Variants in PFN1 observed in about 807,000 individuals in gnomAD.
PFN1 encodes the protein profilin-1.
In PFN1, 2 loss-of-function variants were observed where a neutral mutation model predicts 11.7. The observed-to-expected ratio is 0.17, with a 90% CI of 0.07 to 0.54. The LOEUF is 0.54. PFN1 is among the 20% of genes least tolerant of loss of function. PFN1 has a pLI of 0.94. For synonymous variants in PFN1, 78 were observed against 76.2 expected, an observed-to-expected ratio of 1.02 and a Z score of -0.12; for missense variants, 97 against 188.4, an observed-to-expected ratio of 0.51 and a Z score of 2.84.
At chr17:4,946,524 C>A in intron 2 of PFN1, 104 bp downstream of exon 2, 4 of 838,752 alleles carry the variant, frequency 4.8e-6, no homozygotes, top group Non-Finnish European at 7.6e-6. Flanking sequence ...TGGTCTGACT[C>A]CCTTCATGTT....
chr17:4,948,030 C>T, intron 1 of PFN1: 2 of 457,130 alleles, frequency 4.4e-6, no homozygotes, highest in Non-Finnish European at 7.6e-6. Flanking sequence ...GGATGTAACG[C>T]CCCGTCGCGG....
chr17:4,946,576 C>T (rs552022721), intron 2 of PFN1, 52 bp downstream of exon 2: 14 of 1,426,270 alleles, frequency 9.8e-6, no homozygotes, highest in Middle Eastern at 3.7e-4. Context: ...TACCAGAAGG[C>T]GGTACATTAG....
chr17:4,948,233 G>A (rs1249448227), intron 1 of PFN1, 30 bp downstream of exon 1: 5 of 1,575,812 alleles, frequency 3.2e-6, no homozygotes, highest in Non-Finnish European at 4.3e-6. Flanking sequence ...AACCGGAGCA[G>A]TGCCCCGGAC....
At chr17:4,946,133 ACAGG>A (rs2151134223) in intron 2 of PFN1, 136 bp from the exon 3 acceptor site, 1 of 595,864 alleles carries the variant, frequency 1.7e-6, no homozygotes, top group East Asian at 3.0e-5. Flanking sequence ...CCCACCACAC[ACAGG>A]CAGGCTGTCA....
At chr17:4,946,581 C>A in intron 2 of PFN1, 47 bp downstream of exon 2, 1 of 1,475,386 alleles carries the variant, frequency 6.8e-7, no homozygotes, top group Non-Finnish European at 9.2e-7. Flanking sequence ...GAAGGCGGTA[C>A]ATTAGAGATC....
At chr17:4,947,530 C>G (rs928639768) in intron 1 of PFN1, 1 of 151,836 alleles carries the variant, frequency 6.6e-6, no homozygotes, top group African/African-American at 2.4e-5. Context: ...TCCGCTCCCC[C>G]TCCCCACTTC....
chr17:4,948,439 G>A lies in PFN1; in HGVS notation c.-45C>T, dbSNP rs891805121. The A allele has an allele frequency of 2.6e-6, 4 of 1,554,932 alleles. No individual in the cohort carries two copies. In the Admixed American group the frequency reaches 7.3e-5, roughly 29 times the overall value. On this transcript the variant is annotated 5_prime_UTR_variant, in exon 1 of 3. Coordinates refer to ENST00000225655, the MANE Select transcript of PFN1 (RefSeq NM_005022.4). ...CTCTCGGCGCTGCTGCTGGGGCCGC[G>A]GACTGGGCTCGAGCTGCCTCGGCTG...
intron 2 of PFN1, among the ~76,000 whole-genome samples, chr17:4,946,213 A>G (rs1971388332): frequency 6.6e-6 from 1 of 151,708 alleles, no homozygotes; most frequent in Non-Finnish European, 1.5e-5. Flanking sequence ...AGAGGAACAG[A>G]CTAAAAACTT....
In PFN1 at chr17:4,948,095, G is replaced by A. The variant is rs984636023; in HGVS notation, c.132+168C>T. ...GCCGCCTGGGGCATAGGACCTACGGGCAACTGAGGGACCCACTCACGTGCA... is the reference window on the plus strand; with the variant it reads ...GCCGCCTGGGGCATAGGACCTACGGACAACTGAGGGACCCACTCACGTGCA... On this transcript the variant is annotated intron_variant, in intron 1 of 2. Transcript: ENST00000225655. 1.0e-5 allele frequency: 7 copies of A among 703,098 alleles called. No homozygotes were observed. The African/African-American group carries it at 1.1e-4, about 11-fold the overall frequency. 43.6% of individuals were successfully genotyped at this position (703,098 alleles called of 1,614,324 possible).
chr17:4,946,868 T>G (rs748864924), intron 1 of PFN1, 48 bp from the exon 2 acceptor site: 1 of 1,535,266 alleles, frequency 6.5e-7, no homozygotes, highest in East Asian at 2.3e-5. Flanking sequence ...GCACCAAGAT[T>G]CCCACCGTGT....
At chr17:4,947,048 G>A (rs981301589) in intron 1 of PFN1, 6 of 446,018 alleles carry the variant, frequency 1.3e-5, no homozygotes, top group Non-Finnish European at 2.0e-5. Flanking sequence ...GAACCAGGGA[G>A]GAAGGGATGA....
chr17:4,946,228 G>A (rs1055643387), intron 2 of PFN1, among the ~76,000 whole-genome samples: 4 of 152,066 alleles, frequency 2.6e-5, no homozygotes, highest in African/African-American at 9.7e-5. Context: ...AAACTTAGGG[G>A]TCAAAGGCTC....
intron 1 of PFN1, 57 bp from the exon 2 acceptor site, chr17:4,946,877 G>A: frequency 6.7e-7 from 1 of 1,497,808 alleles, no homozygotes; most frequent in Non-Finnish European, 9.1e-7. Flanking sequence ...TTCCCACCGT[G>A]TTCTCCAAAG....
chr17:4,948,400 T>C lies in PFN1; in HGVS notation c.-6A>G, dbSNP rs374939304. On this transcript the variant is annotated 5_prime_UTR_variant, in exon 1 of 3. Coordinates refer to ENST00000225655, the MANE Select transcript of PFN1 (RefSeq NM_005022.4). ...TAGGCGTTCCACCCGGCCATGGCGC[T>C]GCTACTGGGGCTGCTCTCGGCGCTG... The C allele has an allele frequency of 6.9e-5, 111 of 1,601,894 alleles. No homozygotes were observed. Among genetic ancestry groups the C allele is most frequent in the Non-Finnish European group, 9.0e-5 (106 of 1,176,702 alleles).
chr17:4,946,056 G>A, intron 2 of PFN1, 59 bp from the exon 3 acceptor site: 1 of 1,297,180 alleles, frequency 7.7e-7, no homozygotes, highest in Non-Finnish European at 1.1e-6. Context: ...TCCACCCCCT[G>A]CCAGCTGTTC....
At chr17:4,948,007 C>G (rs1011046290) in intron 1 of PFN1, 2 of 414,814 alleles carry the variant, frequency 4.8e-6, no homozygotes, top group Non-Finnish European at 8.6e-6. Flanking sequence ...CGCCCCTCCC[C>G]GCCCTGTGCC....
Position 4,948,512 on chromosome 17 carries a change from C to T in PFN1, c.-118G>A. The T allele has an allele frequency of 8.6e-7, 1 of 1,158,170 alleles. No individual in the cohort carries two copies. Among genetic ancestry groups the T allele is most frequent in the Non-Finnish European group, 1.1e-6 (1 of 872,412 alleles). 71.7% of individuals were successfully genotyped at this position (1,158,170 alleles called of 1,614,324 possible). A position where few individuals can be genotyped will look rare whatever the true frequency, so the allele number is the denominator to read the frequency against. On this transcript the variant is annotated 5_prime_UTR_variant, in exon 1 of 3. Coordinates refer to ENST00000225655, the MANE Select transcript of PFN1 (RefSeq NM_005022.4). ...CTCGGGGCACGCGCTGCCGTCCGGA[C>T]CGCGGCTCCGCTCGCTGTGCAGCAG...
chr17:4,946,875 G>A lies in PFN1; in HGVS notation c.133-55C>T, dbSNP rs557425154. 4.7e-4 allele frequency: 718 copies of A among 1,515,702 alleles called. 3 individuals carry two copies. The highest frequency in any genetic ancestry group is 4.3e-4 in the East Asian group (19 of 44,200). The allele number at this position is 1,515,702 out of a possible 1,614,324, so 93.9% of individuals were successfully genotyped here. A position where few individuals can be genotyped will look rare whatever the true frequency, so the allele number is the denominator to read the frequency against. ...TAGTCAGTGCACCAAGATTCCCACC[G>A]TGTTCTCCAAAGACCCACCTGTCTT... On this transcript the variant is annotated intron_variant, in intron 1 of 2. Transcript: ENST00000225655.
rs1971455360 is a variant in PFN1, at chr17:4,948,466, C to A, written c.-72G>T. ...ACTGGGCTCGAGCTGCCTCGGCTGGCGGGCGGGGGGAGGCGGAGAGCTCGG... is the reference window on the plus strand; with the variant it reads ...ACTGGGCTCGAGCTGCCTCGGCTGGAGGGCGGGGGGAGGCGGAGAGCTCGG... On this transcript the variant is annotated 5_prime_UTR_variant, in exon 1 of 3. Transcript: ENST00000225655. 16 of 1,468,414 alleles carry A rather than the reference C, an allele frequency of 1.1e-5. No individual in the cohort carries two copies. Among genetic ancestry groups the A allele is most frequent in the African/African-American group, 2.9e-5 (2 of 68,508 alleles). 91.0% of individuals were successfully genotyped at this position (1,468,414 alleles called of 1,614,324 possible).
Sources: allele counts gnomAD v4.1 joint callset (sites outside exome capture counted in the v4.1 genomes callset), GRCh38; gene constraint gnomAD v4.1.1; transcripts MANE v1.5; gene names NCBI Gene and HGNC (gene_info 2026-07-23, HGNC 2026-07-21).